The following LINGO2 variants were observed in gnomAD, a reference collection of about 807,000 sequenced individuals.
LINGO2 encodes the protein leucine-rich repeat and immunoglobulin-like domain-containing nogo receptor-interacting protein 2.
A neutral mutation model predicts 30.6 loss-of-function variants in LINGO2; 14 were observed. That is an observed-to-expected ratio of 0.46 (90% CI 0.30 to 0.72). The LOEUF is 0.72. LINGO2 is among the 30% of genes least tolerant of loss of function. LINGO2 has a pLI of 0.07. For missense variants in LINGO2, 729 were observed against 751.7 expected (o/e 0.97, Z 0.35); for synonymous variants, 317 against 288.5 (o/e 1.10, Z -1.00).
intron 1 of LINGO2, among the ~76,000 whole-genome samples, chr9:28,619,234 C>T (rs1171621512): frequency 6.6e-6 from 1 of 152,078 alleles, no homozygotes; most frequent in Non-Finnish European, 1.5e-5. Context: ...GTATGTAACA[C>T]ACCTTTATTC....
intron 4 of LINGO2, among the ~76,000 whole-genome samples, chr9:28,142,080 C>A (rs1029481958): frequency 4.6e-5 from 7 of 151,854 alleles, no homozygotes; most frequent in Admixed American, 3.9e-4. Flanking sequence ...GTATTTGTTG[C>A]CCAACTTCCT....
intron 5 of LINGO2, among the ~76,000 whole-genome samples, chr9:27,981,469 G>C (rs1287421419): frequency 6.9e-6 from 1 of 145,930 alleles, no homozygotes; most frequent in Non-Finnish European, 1.5e-5. Flanking sequence ...GGCAGAATGA[G>C]GGTTATTTTG....
At chr9:29,162,616 A>C in the LINGO2 span, among the ~76,000 whole-genome samples, 1 of 152,218 alleles carries the variant, frequency 6.6e-6, no homozygotes, top group Non-Finnish European at 1.5e-5. Context: ...AGAATAGCCA[A>C]GTCATTAAAC....
chr9:28,848,397 G>GTGTGTATATATA, the LINGO2 span, among the ~76,000 whole-genome samples: 30 of 48,428 alleles, frequency 6.2e-4, no homozygotes, highest in South Asian at 1.7e-3. Context: ...GTGTGTGTGT[G>GTGTGTATATATA]TATATATATA....
At chr9:29,007,074 G>GT in the LINGO2 span, among the ~76,000 whole-genome samples, 2 of 152,122 alleles carry the variant, frequency 1.3e-5, no homozygotes, top group African/African-American at 4.8e-5. Flanking sequence ...TGACAATACC[G>GT]TAAGTATAAT....
the LINGO2 span, among the ~76,000 whole-genome samples, chr9:29,036,984 A>C: frequency 6.6e-6 from 1 of 151,962 alleles, no homozygotes; most frequent in Non-Finnish European, 1.5e-5. Flanking sequence ...TTATGTTAGG[A>C]TGAAAATGGC....
At chr9:28,977,257 A>G in the LINGO2 span, among the ~76,000 whole-genome samples, 1 of 152,270 alleles carries the variant, frequency 6.6e-6, no homozygotes, top group Middle Eastern at 3.4e-3. Flanking sequence ...GCATTTGTCT[A>G]TATTATATAC....
the LINGO2 span, among the ~76,000 whole-genome samples, chr9:28,970,669 A>G: frequency 4.4e-4 from 67 of 152,174 alleles, no homozygotes; most frequent in African/African-American, 1.6e-3. Flanking sequence ...ATCCACCCAC[A>G]GACCGGAACA....
chr9:28,807,500 G>A, the LINGO2 span, among the ~76,000 whole-genome samples: 1 of 152,118 alleles, frequency 6.6e-6, no homozygotes, highest in East Asian at 1.9e-4. Context: ...CTCTTGGAGA[G>A]CATCTGGTCT....
intron 4 of LINGO2, among the ~76,000 whole-genome samples, chr9:28,087,197 T>C (rs144415056): frequency 8.5e-5 from 13 of 152,152 alleles, no homozygotes; most frequent in African/African-American, 2.9e-4. Flanking sequence ...CATATGATAC[T>C]CCAGCAGAGA....
chr9:28,153,573 A>G (rs952261774), intron 4 of LINGO2, among the ~76,000 whole-genome samples: 1 of 152,184 alleles, frequency 6.6e-6, no homozygotes, highest in Non-Finnish European at 1.5e-5. Context: ...ATATTTATAA[A>G]AAGTCTGTCT....
At chr9:27,947,251 A>T (rs1823400290), downstream of LINGO2, among the ~76,000 whole-genome samples, 1 of 152,220 alleles carries the variant, frequency 6.6e-6, no homozygotes, top group Admixed American at 6.5e-5. Flanking sequence ...TAGCCAAATG[A>T]AACTATGCCT....
chr9:29,184,319 A>AT, the LINGO2 span, among the ~76,000 whole-genome samples: 3 of 152,100 alleles, frequency 2.0e-5, no homozygotes, highest in Admixed American at 6.5e-5. Context: ...AAAAAAAAAA[A>AT]ACTTCATATT....
intron 1 of LINGO2, among the ~76,000 whole-genome samples, chr9:28,553,615 A>G (rs1822447967): frequency 6.6e-6 from 1 of 152,100 alleles, no homozygotes; most frequent in African/African-American, 2.4e-5. Flanking sequence ...CTAGCAAGGC[A>G]GGCCAACGTT....
At chr9:28,939,329 C>G in the LINGO2 span, among the ~76,000 whole-genome samples, 2 of 152,156 alleles carry the variant, frequency 1.3e-5, no homozygotes, top group East Asian at 3.9e-4. Context: ...CTGGCTTCCC[C>G]AGAACTCTGT....
intron 4 of LINGO2, among the ~76,000 whole-genome samples, chr9:28,030,367 A>G (rs1413211342): frequency 3.3e-5 from 5 of 152,188 alleles, no homozygotes; most frequent in Non-Finnish European, 5.9e-5. Context: ...AGTTGTGTTG[A>G]CTAACAAGTC....
chr9:28,772,702 A>T, the LINGO2 span, among the ~76,000 whole-genome samples: 35,551 of 152,080 alleles, frequency 0.23, 4,284 homozygotes, highest in East Asian at 0.39. Context: ...TAGGCTTTGT[A>T]AGCAAGACAG....
At chr9:29,103,402 C>A in the LINGO2 span, among the ~76,000 whole-genome samples, 1 of 151,804 alleles carries the variant, frequency 6.6e-6, no homozygotes, top group Non-Finnish European at 1.5e-5. Context: ...ATCAAAATTT[C>A]TTCATTTTAA....
the LINGO2 span, among the ~76,000 whole-genome samples, chr9:29,070,963 C>CA: frequency 6.6e-6 from 1 of 150,874 alleles, no homozygotes; most frequent in African/African-American, 2.4e-5. Context: ...AATTTATCTA[C>CA]AATCTTGTAT....
Sources: allele counts gnomAD v4.1 joint callset (sites outside exome capture counted in the v4.1 genomes callset), GRCh38; gene constraint gnomAD v4.1.1; transcripts MANE v1.5; gene names NCBI Gene and HGNC (gene_info 2026-07-23, HGNC 2026-07-21).